The following NAA15 variants were observed in gnomAD, a reference collection of about 807,000 sequenced individuals.
NAA15 encodes the protein N-terminal acetyltransferase.
Under a neutral mutation model 114.0 loss-of-function variants are expected in NAA15, and 34 were observed. That is an observed-to-expected ratio of 0.30 (90% confidence interval 0.23 to 0.40). The LOEUF (loss-of-function observed/expected upper bound fraction) is 0.40, where lower values mean the gene tolerates loss of function less well. Ranked by LOEUF, NAA15 falls within the 10% of genes least tolerant of loss-of-function variation. The pLI, the probability that NAA15 is intolerant of heterozygous loss-of-function variation, is 1.00. For synonymous variants in NAA15, 340 were observed against 338.0 expected (o/e 1.01, Z -0.06); for missense variants, 658 against 1,004.5 (o/e 0.66, Z 4.66).
At chr4:139,382,419 C>T (rs1000817150) in intron 17 of NAA15, among the ~76,000 whole-genome samples, 2 of 151,808 alleles carry the variant, frequency 1.3e-5, no homozygotes, top group Non-Finnish European at 2.9e-5. Context: ...CTGATTAAAA[C>T]AAGTTAAAAA....
rs963293118 is a variant in NAA15 at position 139,301,697 on chromosome 4, T to A, written c.-81T>A. The A allele has an allele frequency of 6.7e-7, 1 of 1,490,320 alleles. No homozygotes were observed. Among genetic ancestry groups the A allele is most frequent in the African/African-American group, 1.4e-5 (1 of 71,606 alleles). 92.3% of individuals were successfully genotyped at this position (1,490,320 alleles called of 1,614,324 possible). A position where few individuals can be genotyped will look rare whatever the true frequency, so the allele number is the denominator to read the frequency against. On this transcript the variant is annotated 5_prime_UTR_variant, in exon 1 of 20. Transcript: ENST00000296543. ...TCGAGATATTCAAGGCTGAAGCAGC[T>A]ACGGAACGGCAGCGGCGGCGGTCGG... is the stretch of plus-strand genomic sequence containing the variant.
At chr4:139,336,780 C>T in intron 2 of NAA15, 68 bp from the exon 3 acceptor site, 1 of 869,234 alleles carries the variant, frequency 1.2e-6, no homozygotes, top group Non-Finnish European at 1.7e-6. Flanking sequence ...GATTATGGTT[C>T]TGTTGTTATT....
intron 16 of NAA15, among the ~76,000 whole-genome samples, chr4:139,376,705 G>T: frequency 6.6e-6 from 1 of 152,140 alleles, no homozygotes; most frequent in South Asian, 2.1e-4. Context: ...TAGGATTCAG[G>T]TCAGATGTAA....
intron 3 of NAA15, among the ~76,000 whole-genome samples, chr4:139,338,323 C>T (rs1014526649): frequency 9.9e-5 from 15 of 152,112 alleles, no homozygotes; most frequent in African/African-American, 2.9e-4. Context: ...ATTTGTATTA[C>T]GGAAATCAAG....
intron 1 of NAA15, among the ~76,000 whole-genome samples, chr4:139,321,603 C>CT (rs199883078): frequency 0.22 from 33,009 of 149,816 alleles, 4,012 homozygotes; most frequent in South Asian, 0.39. Context: ...TCCCGAGTAG[C>CT]TGGGACTACA....
At chr4:139,376,633 T>C (rs1377512850) in intron 16 of NAA15, among the ~76,000 whole-genome samples, 160 bp downstream of exon 16, 2 of 152,130 alleles carry the variant, frequency 1.3e-5, no homozygotes, top group African/African-American at 4.8e-5. Flanking sequence ...TGTAGGGAGA[T>C]ATAATGATAT....
chr4:139,306,042 G>T (rs78354613), intron 1 of NAA15, among the ~76,000 whole-genome samples: 2,830 of 152,208 alleles, frequency 0.019, 43 homozygotes, highest in Non-Finnish European at 0.032. Flanking sequence ...GGATTTGCCT[G>T]GCTTGATCTA....
intron 15 of NAA15, among the ~76,000 whole-genome samples, chr4:139,374,704 G>A (rs1449552642): frequency 6.6e-6 from 1 of 152,074 alleles, no homozygotes; most frequent in African/African-American, 2.4e-5. Context: ...ATAGAGTGTA[G>A]ATTTCTTGTG....
intron 3 of NAA15, among the ~76,000 whole-genome samples, chr4:139,338,473 G>A (rs1048869530): frequency 6.6e-6 from 1 of 152,016 alleles, no homozygotes; most frequent in Non-Finnish European, 1.5e-5. Context: ...TTTAGATGGA[G>A]TTTTGATCTT....
At chr4:139,339,547 A>C in intron 3 of NAA15, among the ~76,000 whole-genome samples, 1 of 151,984 alleles carries the variant, frequency 6.6e-6, no homozygotes, top group Non-Finnish European at 1.5e-5. Flanking sequence ...TCAGGAGATC[A>C]AGACCATCCT....
intron 1 of NAA15, among the ~76,000 whole-genome samples, chr4:139,324,956 TAATTG>T (rs1394384660): frequency 6.6e-6 from 1 of 152,198 alleles, no homozygotes; most frequent in African/African-American, 2.4e-5. Context: ...TGACAGGAGA[TAATTG>T]AATTAATGGC....
chr4:139,323,053 C>CT (rs67137305), intron 1 of NAA15, among the ~76,000 whole-genome samples: 1,867 of 117,436 alleles, frequency 0.016, 18 homozygotes, highest in East Asian at 0.037. Context: ...CTTTTCTTTT[C>CT]TTTTTTTTTT....
chr4:139,357,181 A>G (rs1747984081), intron 10 of NAA15, among the ~76,000 whole-genome samples: 1 of 152,136 alleles, frequency 6.6e-6, no homozygotes, highest in South Asian at 2.1e-4. Context: ...TATGAAAGGG[A>G]TTGTGCTAGG....
chr4:139,331,200 T>TAAAAA (rs1416865365), intron 1 of NAA15, among the ~76,000 whole-genome samples: 1 of 152,186 alleles, frequency 6.6e-6, no homozygotes, highest in Admixed American at 6.5e-5. Context: ...TAATGTTCCC[T>TAAAAA]ATTTTCTCCC....
At position 139,378,805 on chromosome 4, in the gene NAA15, T is replaced by C. The variant is rs199718065; in HGVS notation, c.2106T>C (p.Asp702=). 11 of 1,555,516 alleles carry C rather than the reference T, an allele frequency of 7.1e-6. No individual in the cohort carries two copies. Among genetic ancestry groups the C allele is most frequent in the Admixed American group, 2.3e-5 (1 of 42,826 alleles). Reference sequence around the variant, plus strand: ...CAGTAAAGAGGGCATTTGCTATTGATTCTAGTCATCCCTGGCTTCATGAGT... The same window carrying C: ...CAGTAAAGAGGGCATTTGCTATTGACTCTAGTCATCCCTGGCTTCATGAGT... ...LQSVKRAFAI[D]SSHPWLHECM... The change falls in exon 17 of 20, where the codon GAT becomes GAC. Residue 702 remains aspartate, a synonymous_variant. Transcript: ENST00000296543.
intron 17 of NAA15, among the ~76,000 whole-genome samples, chr4:139,383,253 A>G (rs1449586796): frequency 6.6e-6 from 1 of 152,200 alleles, no homozygotes; most frequent in African/African-American, 2.4e-5. Context: ...AATCTTTTAG[A>G]TTAGATATCA....
chr4:139,371,497 G>GCACGCGCACACACACA (rs1553998024), intron 15 of NAA15, among the ~76,000 whole-genome samples: 2 of 113,664 alleles, frequency 1.8e-5, no homozygotes, highest in East Asian at 5.6e-4. Context: ...AAGAAAAGTA[G>GCACGCGCACACACACA]CACACACACA....
At chr4:139,340,073 G>A (rs536804688) in intron 3 of NAA15, among the ~76,000 whole-genome samples, 2 of 152,234 alleles carry the variant, frequency 1.3e-5, no homozygotes, top group African/African-American at 2.4e-5. Context: ...TGTAATCCCC[G>A]CACTTTGGGA....
chr4:139,366,736 G>A (rs191496401), intron 14 of NAA15, among the ~76,000 whole-genome samples: 2 of 151,848 alleles, frequency 1.3e-5, no homozygotes, highest in East Asian at 1.9e-4. Context: ...AGCCTGCCAC[G>A]TAGGTAGGAC....
Sources: gnomAD v4.1 joint callset for allele counts (sites outside exome capture counted in the v4.1 genomes callset) on GRCh38, gnomAD v4.1.1 for gene constraint, MANE v1.5 for transcripts, NCBI Gene and HGNC (gene_info 2026-07-23, HGNC 2026-07-21) for gene names.